The following RAD54L2 variants were observed in gnomAD, a reference collection of about 807,000 sequenced individuals.
RAD54L2 encodes the protein helicase ARIP4.
Under a neutral mutation model 138.4 loss-of-function variants are expected in RAD54L2, and 27 were observed. The observed-to-expected ratio is 0.20, with a 90% CI of 0.14 to 0.27. The LOEUF (loss-of-function observed/expected upper bound fraction) is 0.27. Ranked by LOEUF, RAD54L2 falls within the 10% of genes least tolerant of loss-of-function variation. The pLI is 1.00. For missense variants in RAD54L2, 1,396 were observed against 1,890.2 expected (o/e 0.74, Z 4.85); for synonymous variants, 644 against 723.2 (o/e 0.89, Z 1.76).
At chr3:51,610,639 CAAAA>C (rs538225499) in intron 3 of RAD54L2, among the ~76,000 whole-genome samples, 1 of 59,088 alleles carries the variant, frequency 1.7e-5, no homozygotes, top group Admixed American at 1.9e-4. Context: ...GACTCCATCT[CAAAA>C]AAAAAAAAAA....
chr3:51,551,817 A>G (rs1042986826), intron 2 of RAD54L2, among the ~76,000 whole-genome samples: 2 of 148,042 alleles, frequency 1.4e-5, no homozygotes, highest in Admixed American at 6.7e-5. Context: ...CAGTGGTGTG[A>G]TCTCGGCTCA....
intron 3 of RAD54L2, among the ~76,000 whole-genome samples, chr3:51,602,930 A>C (rs546535061): frequency 1.1e-3 from 166 of 152,200 alleles, no homozygotes; most frequent in African/African-American, 3.9e-3. Context: ...TCCTGGGCTG[A>C]AAGGATCCAC....
chr3:51,645,583 C>A lies in RAD54L2; in HGVS notation c.2657-8C>A. The A allele has an allele frequency of 6.2e-7, 1 of 1,603,422 alleles. No individual in the cohort carries two copies. Among genetic ancestry groups the A allele is most frequent in the Non-Finnish European group, 8.5e-7 (1 of 1,175,132 alleles). ...GTGCTGACTTTCTTCATGTCTTTAT[C>A]CTTCTAGATCGGGTGGTGGATGATC... On this transcript the variant is annotated splice_region_variant and splice_polypyrimidine_tract_variant and intron_variant, in intron 17 of 22. Transcript: ENST00000684192. The surrounding 1 kb of genome is among the most constrained non-coding windows in gnomAD (Gnocchi z 6.1).
chr3:51,636,716 G>T (rs976426360), intron 10 of RAD54L2, among the ~76,000 whole-genome samples: 4 of 152,180 alleles, frequency 2.6e-5, no homozygotes, highest in African/African-American at 9.7e-5. Context: ...GGCAGATCAT[G>T]AGGTCAGGAG....
chr3:51,643,315 G>A (rs977025476), intron 15 of RAD54L2, among the ~76,000 whole-genome samples: 1 of 152,234 alleles, frequency 6.6e-6, no homozygotes, highest in South Asian at 2.1e-4. Flanking sequence ...TTACAGGCGT[G>A]AGCCACTGTG....
Position 51,645,864 on chromosome 3 carries a change from CA to C in RAD54L2, c.2829+102del. 1 of 1,278,196 alleles carries C rather than the reference CA, an allele frequency of 7.8e-7. No homozygotes were observed. The highest frequency in any genetic ancestry group is 1.1e-6 in the Non-Finnish European group (1 of 941,690). The allele number at this position is 1,278,196 out of a possible 1,614,324, so 79.2% of individuals were successfully genotyped here. A position where few individuals can be genotyped will look rare whatever the true frequency, so the allele number is the denominator to read the frequency against. ...TCTTCATCTGAGGTGATGTTTCATGCAGGTGACTTGGACTCAAGGACTTCTT... is the reference window on the plus strand; with the variant it reads ...TCTTCATCTGAGGTGATGTTTCATGCGGTGACTTGGACTCAAGGACTTCTT... On this transcript the variant is annotated intron_variant, in intron 18 of 22. Coordinates refer to ENST00000684192, the MANE Select transcript of RAD54L2 (RefSeq NM_015106.4). This position sits in a 1 kb window ranked among gnomAD's most constrained non-coding sequence, Gnocchi z 6.1.
At chr3:51,642,617 C>T (rs1701167813) in intron 15 of RAD54L2, among the ~76,000 whole-genome samples, 1 of 152,150 alleles carries the variant, frequency 6.6e-6, no homozygotes, top group Non-Finnish European at 1.5e-5. Context: ...GGTTTCTACT[C>T]ACTAGATGGC....
At chr3:51,650,313 T>G (rs1399374492) in intron 19 of RAD54L2, among the ~76,000 whole-genome samples, 12 of 152,152 alleles carry the variant, frequency 7.9e-5, no homozygotes, top group Non-Finnish European at 1.8e-4. Flanking sequence ...ACAAAGAGAC[T>G]TAGACTCCCA....
intron 5 of RAD54L2, among the ~76,000 whole-genome samples, chr3:51,629,775 A>G (rs949311042): frequency 2.0e-5 from 3 of 152,130 alleles, no homozygotes; most frequent in African/African-American, 7.2e-5. Context: ...GGCAGGGGGA[A>G]TAGCTTGAAC....
chr3:51,552,394 G>A (rs187624682), intron 2 of RAD54L2, among the ~76,000 whole-genome samples: 3 of 150,206 alleles, frequency 2.0e-5, no homozygotes, highest in African/African-American at 7.4e-5. Flanking sequence ...TCCCGAGTAG[G>A]TGGGACTACA....
chr3:51,590,439 T>G lies in RAD54L2; in HGVS notation c.19T>G (p.Ser7Ala), dbSNP rs374247964. The G allele has an allele frequency of 1.4e-5, 21 of 1,545,808 alleles. No homozygotes were observed. Among genetic ancestry groups the G allele is most frequent in the Non-Finnish European group, 1.8e-5 (21 of 1,143,310 alleles). The change falls in exon 3 of 23, where the codon TCA becomes GCA. Residue 7 changes from serine to alanine, a missense_variant. Ser to Ala is a moderately conservative substitution (Grantham distance 99, BLOSUM62 1). Around this residue, in one of 7 missense-constraint regions of RAD54L2, gnomAD observed 256 missense variants for 344.6 expected, o/e 0.74. Transcript: ENST00000684192. The stretch of plus-strand genomic sequence containing the variant: ...GGGAGCCATGTCAGACGAATCTGCC[T>G]CAGGGAGCGATCCAGACCTGGACCC... MSDESA[S>A]GSDPDLDPDV...
chr3:51,588,185 CAAA>C (rs987919898), intron 2 of RAD54L2, among the ~76,000 whole-genome samples: 1 of 12,714 alleles, frequency 7.9e-5, no homozygotes, highest in Non-Finnish European at 1.6e-4. Context: ...GACTCCATCT[CAAA>C]AAAAAAAAAA....
chr3:51,541,911 A>G (rs1481556809), intron 2 of RAD54L2: 1 of 152,238 alleles, frequency 6.6e-6, no homozygotes, highest in Non-Finnish European at 1.5e-5. Flanking sequence ...GATCAAAGAA[A>G]ATAAAAACTT....
intron 12 of RAD54L2, 99 bp from the exon 13 acceptor site, chr3:51,639,320 G>A: frequency 7.2e-7 from 1 of 1,396,092 alleles, no homozygotes. Context: ...GTTTATTGTG[G>A]GACGTGTGTG....
At chr3:51,553,101 G>A (rs1194627960) in intron 2 of RAD54L2, among the ~76,000 whole-genome samples, 1 of 151,842 alleles carries the variant, frequency 6.6e-6, no homozygotes, top group Admixed American at 6.6e-5. Context: ...TTTTCTGAGA[G>A]GGAGTCTCAC....
intron 2 of RAD54L2, among the ~76,000 whole-genome samples, chr3:51,543,684 A>G (rs1297390348): frequency 1.3e-5 from 2 of 151,400 alleles, no homozygotes; most frequent in East Asian, 3.9e-4. Context: ...TCTCTGCTTC[A>G]GCATCTCATA....
In RAD54L2 at chr3:51,590,486, G is replaced by A. The variant is rs1016546356; in HGVS notation, c.66G>A (p.Ala22=). ...DLDPDVELED[A]EEEEEEEEVA... Reference sequence around the variant, plus strand: ...ACCCGGACGTGGAGCTGGAGGATGCGGAAGAGGAGGAGGAGGAGGAGGAGG... The same window carrying A: ...ACCCGGACGTGGAGCTGGAGGATGCAGAAGAGGAGGAGGAGGAGGAGGAGG... The change falls in exon 3 of 23, where the codon GCG becomes GCA. Residue 22 remains alanine (A), a synonymous_variant. Coordinates refer to ENST00000684192, the MANE Select transcript of RAD54L2 (RefSeq NM_015106.4). The A allele has an allele frequency of 5.8e-6, 9 of 1,552,254 alleles. No individual in the cohort carries two copies. Among genetic ancestry groups the A allele is most frequent in the Admixed American group, 2.0e-5 (1 of 51,028 alleles).
chr3:51,667,594 G>T lies in RAD54L2; in HGVS notation c.*4174G>T, dbSNP rs1322972436. 6.6e-6 allele frequency: 1 copy of T among 152,284 alleles called. No homozygotes were observed. Among genetic ancestry groups the T allele is most frequent in the Non-Finnish European group, 1.5e-5 (1 of 68,116 alleles). The allele number at this position is 152,284 out of a possible 1,614,324, so 9.4% of individuals were successfully genotyped here. ...TTCCCCAAAAGGACCCCTGGGAGAT[G>T]TTCTGGCCCTCTGCTGACTACTCCC... On this transcript the variant is annotated 3_prime_UTR_variant, in exon 23 of 23. Transcript: ENST00000684192.
chr3:51,605,911 C>A (rs990945934), intron 3 of RAD54L2, among the ~76,000 whole-genome samples: 5 of 152,140 alleles, frequency 3.3e-5, no homozygotes, highest in Admixed American at 1.3e-4. Context: ...GAGAAAGGAA[C>A]CTAGAGAAGG....
Sources: allele counts gnomAD v4.1 joint callset (sites outside exome capture counted in the v4.1 genomes callset), GRCh38; gene constraint gnomAD v4.1.1; regional missense constraint gnomAD v4.1.1; non-coding constraint Gnocchi (gnomAD v3.1); transcripts MANE v1.5; gene names NCBI Gene and HGNC (gene_info 2026-07-23, HGNC 2026-07-21).